The following RFT1 variants were observed in gnomAD, a reference collection of about 807,000 sequenced individuals.
RFT1 encodes man(5)GlcNAc(2)-PP-dolichol translocation protein RFT1.
RFT1 carries 43 observed loss-of-function variants against 62.2 expected under a neutral mutation model. The ratio of observed to expected loss-of-function variants is 0.69; its 90% CI spans 0.54 to 0.89. The LOEUF (loss-of-function observed/expected upper bound fraction) is 0.89, where lower values mean the gene tolerates loss of function less well. Ranked by LOEUF, RFT1 falls within the 40% of genes least tolerant of loss-of-function variation. The pLI is 0.00. For missense variants in RFT1, 605 were observed against 649.9 expected (o/e 0.93, Z 0.75); for synonymous variants, 262 against 264.6 (o/e 0.99, Z 0.10).
At chr3:53,111,994 T>C in intron 6 of RFT1, 86 bp from the exon 7 acceptor site, 1 of 1,061,270 alleles carries the variant, frequency 9.4e-7, no homozygotes, top group Middle Eastern at 2.0e-4. Context: ...AAATGCAATC[T>C]GGTCTCTAAA....
Position 53,119,971 on chromosome 3 carries a change from C to T in RFT1, c.609G>A (p.Lys203=). The T allele has an allele frequency of 6.2e-7, 1 of 1,611,264 alleles. No individual in the cohort carries two copies. Among genetic ancestry groups the T allele is most frequent in the Non-Finnish European group, 8.5e-7 (1 of 1,179,056 alleles). The change falls in exon 6 of 13, where the codon AAG becomes AAA. Residue 203 remains lysine, a synonymous_variant. Coordinates refer to ENST00000296292, the MANE Select transcript of RFT1 (RefSeq NM_052859.4). ...TGGTTGATTCTGGGGAACCCAGTAA[C>T]TTTGTGAAATAAATAACATAGCAGA... is the stretch of plus-strand genomic sequence containing the variant. ...LVLCYVIYFT[K]LLGSPESTKL...
rs1702091031 is a variant in RFT1 at position 53,125,757 on chromosome 3, T to TGCAC, written c.149+148_149+151dup. 3.6e-5 allele frequency: 23 copies of TGCAC among 640,228 alleles called. No homozygotes were observed. In the East Asian group the frequency reaches 6.6e-4, roughly 18 times the overall value. The allele number at this position is 640,228 out of a possible 1,614,324, so 39.7% of individuals were successfully genotyped here. The stretch of plus-strand genomic sequence containing the variant: ...CATCGCCTGCGCGTCCCTCCACTCC[T>TGCAC]GCACGCTTCTCCTCAGCCTACTGCT... On this transcript the variant is annotated intron_variant, in intron 2 of 12. Coordinates refer to ENST00000296292, the MANE Select transcript of RFT1 (RefSeq NM_052859.4).
At chr3:53,111,964 T>C in intron 6 of RFT1, 56 bp from the exon 7 acceptor site, 2 of 1,388,100 alleles carry the variant, frequency 1.4e-6, no homozygotes, top group Non-Finnish European at 2.0e-6. Flanking sequence ...AGTCTAAGAA[T>C]GCAATGCTAC....
intron 7 of RFT1, among the ~76,000 whole-genome samples, chr3:53,110,987 A>T (rs921022477): frequency 2.0e-5 from 3 of 152,204 alleles, no homozygotes; most frequent in Non-Finnish European, 4.4e-5. Context: ...AGGTAAACTG[A>T]AAGGACCAAA....
At chr3:53,119,181 G>A (rs1285788334) in intron 6 of RFT1, among the ~76,000 whole-genome samples, 2 of 151,782 alleles carry the variant, frequency 1.3e-5, no homozygotes, top group Non-Finnish European at 2.9e-5. Flanking sequence ...GCCACTATGG[G>A]AAACAGAATG....
chr3:53,099,621 C>A lies in RFT1; in HGVS notation c.1103-135G>T, dbSNP rs1156704847. On this transcript the variant is annotated intron_variant, in intron 10 of 12. Coordinates refer to ENST00000296292, the MANE Select transcript of RFT1 (RefSeq NM_052859.4). The stretch of plus-strand genomic sequence containing the variant: ...GTATCAGCAATGGGCAGACTGCATG[C>A]TAGAGCCCAGGGTCTTAATAATCTA... 4 of 711,346 alleles carry A rather than the reference C, an allele frequency of 5.6e-6. No individual in the cohort carries two copies. The African/African-American group carries it at 7.0e-5, about 12-fold the overall frequency. 44.1% of individuals were successfully genotyped at this position (711,346 alleles called of 1,614,324 possible). A position where few individuals can be genotyped will look rare whatever the true frequency, so the allele number is the denominator to read the frequency against.
At position 53,130,356 on chromosome 3, in the gene RFT1, G is replaced by A; in HGVS notation, c.45C>T (p.Ser15=). ...AGAGTACCTGCAGGAGGAGACCGGA[G>A]GAGGCCAGCCGGGCCGCGTGGCCCA... ...EVLGHAARLA[S]SGLLLQVLFR... The change falls in exon 1 of 13, where the codon TCC becomes TCT. Residue 15 remains serine (S), a synonymous_variant. Coordinates refer to ENST00000296292, the MANE Select transcript of RFT1 (RefSeq NM_052859.4). 1 of 1,569,164 alleles carries A rather than the reference G, an allele frequency of 6.4e-7. No individual in the cohort carries two copies. The highest frequency in any genetic ancestry group is 8.6e-7 in the Non-Finnish European group (1 of 1,157,524).
At chr3:53,073,770 G>C in the RFT1 span, among the ~76,000 whole-genome samples, 1 of 152,188 alleles carries the variant, frequency 6.6e-6, no homozygotes, top group African/African-American at 2.4e-5. Context: ...AGGCCCCGTT[G>C]TGCACAGAGC....
downstream of RFT1, among the ~76,000 whole-genome samples, chr3:53,086,373 T>C (rs997994334): frequency 6.6e-6 from 1 of 152,166 alleles, no homozygotes; most frequent in Non-Finnish European, 1.5e-5. Flanking sequence ...TGGAGTGCAG[T>C]GGCGCGATCT....
At chr3:53,123,649 C>T (rs974413611) in intron 3 of RFT1, 75 bp downstream of exon 3, 8 of 1,159,226 alleles carry the variant, frequency 6.9e-6, no homozygotes, top group Admixed American at 1.7e-5. Context: ...GCTTTAGGCA[C>T]GTGTTACTGT....
At chr3:53,106,904 A>T (rs1171789557) in intron 7 of RFT1, 35 bp from the exon 8 acceptor site, 5 of 1,480,104 alleles carry the variant, frequency 3.4e-6, no homozygotes, top group Non-Finnish European at 4.7e-6. Context: ...TAGCAATGTC[A>T]AATGCACATT....
At position 53,105,672 on chromosome 3, in the gene RFT1, C is replaced by T; in HGVS notation, c.957+1G>A. 6.2e-7 allele frequency: 1 copy of T among 1,613,476 alleles called. No individual in the cohort carries two copies. Among genetic ancestry groups the T allele is most frequent in the Non-Finnish European group, 8.5e-7 (1 of 1,179,602 alleles). On this transcript the variant is annotated splice_donor_variant, in intron 9 of 12. Coordinates refer to ENST00000296292, the MANE Select transcript of RFT1 (RefSeq NM_052859.4). LOFTEE classifies it high-confidence loss of function. ...AGAGATGACATAAGAACCAACATTA[C>T]CTGCTTCTGAAGTGTGGCATCCTTT...
intron 7 of RFT1, among the ~76,000 whole-genome samples, chr3:53,111,359 T>C (rs1701643544): frequency 6.6e-6 from 1 of 150,562 alleles, no homozygotes; most frequent in Admixed American, 6.6e-5. Context: ...TGAGCCAAGA[T>C]AGCACCACTG....
the RFT1 span, among the ~76,000 whole-genome samples, chr3:53,072,773 T>G: frequency 2.0e-5 from 3 of 152,346 alleles, no homozygotes; most frequent in Admixed American, 2.0e-4. Context: ...GCTGCTCCAT[T>G]GTTTCCTGTC....
chr3:53,125,736 G>A (rs1380458064), intron 2 of RFT1, among the ~76,000 whole-genome samples, 173 bp downstream of exon 2: 1 of 152,178 alleles, frequency 6.6e-6, no homozygotes, highest in Non-Finnish European at 1.5e-5. Context: ...AAGCAACATC[G>A]CCTGCGCGTC....
In RFT1 at chr3:53,104,189, T is replaced by C. The variant is rs1701399646; in HGVS notation, c.958-92A>G. ...GTCTGGCCTTCTCCCTTCACTGTTTTACAGTTCACTCTTCCAACAGCGTGA... is the reference window on the plus strand; with the variant it reads ...GTCTGGCCTTCTCCCTTCACTGTTTCACAGTTCACTCTTCCAACAGCGTGA... On this transcript the variant is annotated intron_variant, in intron 9 of 12. Transcript: ENST00000296292. 1.4e-4 allele frequency: 186 copies of C among 1,320,872 alleles called. 4 individuals carry two copies. In the South Asian group the frequency reaches 2.2e-3, roughly 16 times the overall value. The allele number at this position is 1,320,872 out of a possible 1,614,324, so 81.8% of individuals were successfully genotyped here. A position where few individuals can be genotyped will look rare whatever the true frequency, so the allele number is the denominator to read the frequency against.
downstream of RFT1, among the ~76,000 whole-genome samples, chr3:53,086,732 C>T (rs1427975758): frequency 6.6e-6 from 1 of 152,180 alleles, no homozygotes; most frequent in Non-Finnish European, 1.5e-5. Context: ...CTGACAGGCT[C>T]CACAGGCCTC....
chr3:53,086,892 C>G (rs149523525), downstream of RFT1, among the ~76,000 whole-genome samples: 1,930 of 152,270 alleles, frequency 0.013, 115 homozygotes, highest in South Asian at 0.17. Flanking sequence ...CCCTGCACAC[C>G]CGTCTCACTT....
chr3:53,121,724 C>G lies in RFT1; in HGVS notation c.533G>C (p.Gly178Ala). 1 of 1,613,842 alleles carries G rather than the reference C, an allele frequency of 6.2e-7. No individual in the cohort carries two copies. The highest frequency in any genetic ancestry group is 8.5e-7 in the Non-Finnish European group (1 of 1,179,790). The change falls in exon 5 of 13, where the codon GGA becomes GCA. Residue 178 changes from glycine to alanine, a missense_variant. Coordinates refer to ENST00000296292, the MANE Select transcript of RFT1 (RefSeq NM_052859.4). Reference protein sequence around the residue: ...AFLVLWLPHWGLYIFSLAQLF... With the variant: ...AFLVLWLPHWALYIFSLAQLF... ...CTGGGCCAAAGAGAAAATGTACAAT[C>G]CCCAGTGAGGCAACCACAGCACGAG...
Sources: gnomAD v4.1 joint callset for allele counts (sites outside exome capture counted in the v4.1 genomes callset) on GRCh38, gnomAD v4.1.1 for gene constraint, MANE v1.5 for transcripts, NCBI Gene and HGNC (gene_info 2026-07-23, HGNC 2026-07-21) for gene names.